The following CALR3 variants were observed in gnomAD, a reference collection of about 807,000 sequenced individuals.
CALR3 encodes the protein calreticulin-3.
CALR3 carries 39 observed loss-of-function variants against 48.7 expected under a neutral mutation model. That is an observed-to-expected ratio of 0.80 (90% CI 0.62 to 1.05). The LOEUF is 1.05. Among genes scored for constraint, CALR3 ranks in the 50% least tolerant of loss-of-function variants. The pLI, the probability that CALR3 is intolerant of heterozygous loss-of-function variation, is 0.00. For missense variants in CALR3, 449 were observed against 474.7 expected (o/e 0.95, Z 0.50); for synonymous variants, 185 against 172.7 (o/e 1.07, Z -0.56).
At chr19:16,480,783 T>G in intron 7 of CALR3, 77 bp from the exon 8 acceptor site, 1 of 1,111,296 alleles carries the variant, frequency 9.0e-7, no homozygotes, top group Non-Finnish European at 1.3e-6. Context: ...CTTTTTTCCT[T>G]TGGAAATACA....
chr19:16,487,514 G>A (rs932144035), intron 3 of CALR3, among the ~76,000 whole-genome samples: 4 of 151,582 alleles, frequency 2.6e-5, no homozygotes, highest in African/African-American at 9.7e-5. Flanking sequence ...TGTAGAGATG[G>A]GGTCTTGCTA....
At position 16,483,945 on chromosome 19, in the gene CALR3, TTTAG is replaced by T; in HGVS notation, c.659_662del (p.Thr220LysfsTer45). 1 of 1,614,066 alleles carries T rather than the reference TTTAG, an allele frequency of 6.2e-7. No individual in the cohort carries two copies. The highest frequency in any genetic ancestry group is 8.5e-7 in the Non-Finnish European group (1 of 1,180,004). On this transcript the variant is annotated frameshift_variant, in exon 5 of 9. Transcript: ENST00000269881. LOFTEE classifies it high-confidence loss of function. ...AAATTCACACCTGGGCTTTGTTGTC[TTTAG>T]TCTGTTCCCAATCCTTCGATTCTGC... is the stretch of plus-strand genomic sequence containing the variant.
intron 8 of CALR3, 70 bp downstream of exon 8, chr19:16,480,544 T>G (rs968295079): frequency 1.7e-5 from 17 of 1,020,000 alleles, no homozygotes; most frequent in Non-Finnish European, 2.5e-5. Flanking sequence ...AGAGCTAGAC[T>G]CCATCTAAAA....
At chr19:16,493,861 G>A (rs2093401699) in intron 2 of CALR3, among the ~76,000 whole-genome samples, 1 of 151,868 alleles carries the variant, frequency 6.6e-6, no homozygotes, top group South Asian at 2.1e-4. Flanking sequence ...TGAAGTAGGT[G>A]AGATTATAGA....
intron 5 of CALR3, chr19:16,483,615 G>GCCT (rs542069962): frequency 0.15 from 42,893 of 280,142 alleles, 3,610 homozygotes; most frequent in African/African-American, 0.2. Flanking sequence ...GTATTCGGGA[G>GCCT]GCTGAGGCAG....
At chr19:16,483,447 G>A (rs1190066570) in intron 5 of CALR3, among the ~76,000 whole-genome samples, 1 of 152,184 alleles carries the variant, frequency 6.6e-6, no homozygotes, top group African/African-American at 2.4e-5. Flanking sequence ...GCCAGATGTG[G>A]TGGCTCACAC....
intron 2 of CALR3, among the ~76,000 whole-genome samples, chr19:16,494,472 C>T (rs2093402755): frequency 6.6e-6 from 1 of 152,122 alleles, no homozygotes; most frequent in Non-Finnish European, 1.5e-5. Context: ...AGTGATTCTT[C>T]TGCCTCAGCC....
intron 8 of CALR3, among the ~76,000 whole-genome samples, chr19:16,479,787 A>C (rs1265537661): frequency 6.6e-6 from 1 of 151,300 alleles, no homozygotes; most frequent in Non-Finnish European, 1.5e-5. Context: ...CAAAACAAAA[A>C]AAGCCCCAGA....
intron 3 of CALR3, among the ~76,000 whole-genome samples, chr19:16,487,324 A>C (rs2093390600): frequency 1.3e-5 from 2 of 151,954 alleles, no homozygotes; most frequent in African/African-American, 4.8e-5. Context: ...ACAAAAATAC[A>C]AAAAAATTAG....
At chr19:16,491,946 A>G (rs1458970702) in intron 2 of CALR3, among the ~76,000 whole-genome samples, 2 of 151,682 alleles carry the variant, frequency 1.3e-5, no homozygotes, top group Non-Finnish European at 2.9e-5. Context: ...CTCCTGCCTC[A>G]GCCTCCTGAG....
chr19:16,487,510 G>A (rs2093391025), intron 3 of CALR3, among the ~76,000 whole-genome samples: 1 of 150,532 alleles, frequency 6.6e-6, no homozygotes, highest in South Asian at 2.1e-4. Context: ...ATTTTGTAGA[G>A]ATGGGGTCTT....
chr19:16,487,503 T>C (rs374102586), intron 3 of CALR3, among the ~76,000 whole-genome samples: 1 of 151,724 alleles, frequency 6.6e-6, no homozygotes, highest in East Asian at 1.9e-4. Context: ...AAAAAACATT[T>C]TGTAGAGATG....
At chr19:16,480,739 C>T (rs771574524) in intron 7 of CALR3, 33 bp from the exon 8 acceptor site, 3 of 1,333,104 alleles carry the variant, frequency 2.3e-6, no homozygotes, top group Middle Eastern at 1.8e-4. Context: ...CATTATTATG[C>T]TTTTATTCTT....
In CALR3 at chr19:16,479,257, C is replaced by T. The variant is rs371168255; in HGVS notation, c.1029G>A (p.Met343Ile). The T allele has an allele frequency of 6.2e-7, 1 of 1,613,906 alleles. No homozygotes were observed. The highest frequency in any genetic ancestry group is 1.3e-5 in the African/African-American group (1 of 74,876). ...TTTCCTCCTTGGCCTGTATGGCATCCATCTCCCTTTCTGGACCCTGGAGAA... is the reference window on the plus strand; with the variant it reads ...TTTCCTCCTTGGCCTGTATGGCATCTATCTCCCTTTCTGGACCCTGGAGAA... Reference protein sequence around the residue: ...WGETKGPEREMDAIQAKEEMK... With the variant: ...WGETKGPEREIDAIQAKEEMK... The change falls in exon 9 of 9, where the codon ATG (methionine) becomes ATA (isoleucine). Residue 343 changes from methionine to isoleucine, a missense_variant. Transcript: ENST00000269881.
intron 5 of CALR3, 134 bp downstream of exon 5, chr19:16,483,796 G>C: frequency 2.6e-6 from 2 of 783,382 alleles, no homozygotes; most frequent in South Asian, 3.0e-5. Context: ...GGTCTGCAGT[G>C]TGTGCTCTGG....
chr19:16,484,265 C>T, intron 4 of CALR3, 150 bp from the exon 5 acceptor site: 1 of 731,820 alleles, frequency 1.4e-6, no homozygotes. Flanking sequence ...ACAACCTCCA[C>T]CTCCTGAGTT....
At chr19:16,489,676 G>T (rs2093394806) in intron 3 of CALR3, among the ~76,000 whole-genome samples, 1 of 151,440 alleles carries the variant, frequency 6.6e-6, no homozygotes, top group African/African-American at 2.4e-5. Context: ...AGGTATGGTG[G>T]CACATGCCTG....
At chr19:16,479,644 A>G (rs1395060915) in intron 8 of CALR3, among the ~76,000 whole-genome samples, 4 of 151,710 alleles carry the variant, frequency 2.6e-5, no homozygotes, top group Non-Finnish European at 5.9e-5. Context: ...CTGTAGTCCC[A>G]GCTGCTCGGG....
At chr19:16,492,594 G>A (rs57792242) in intron 2 of CALR3, among the ~76,000 whole-genome samples, 1,779 of 150,832 alleles carry the variant, frequency 0.012, 35 homozygotes, top group African/African-American at 0.041. Flanking sequence ...GGCCGGGCGC[G>A]GTGGCTCATG....
Sources: allele counts gnomAD v4.1 joint callset (sites outside exome capture counted in the v4.1 genomes callset), GRCh38; gene constraint gnomAD v4.1.1; transcripts MANE v1.5; gene names NCBI Gene and HGNC (gene_info 2026-07-23, HGNC 2026-07-21).